Variants in USP9X observed in about 807,000 individuals in gnomAD.
The protein encoded by USP9X is ubiquitin carboxyl-terminal hydrolase 9X.
In USP9X, 7 loss-of-function variants were observed where a neutral mutation model predicts 190.3. That is an observed-to-expected ratio of 0.04 (90% CI 0.02 to 0.07). USP9X has a LOEUF of 0.07. Among genes scored for constraint, USP9X ranks in the 10% least tolerant of loss-of-function variants. USP9X has a pLI of 1.00. For missense variants in USP9X, 1,010 were observed against 1,916.9 expected (o/e 0.53, Z 8.83); for synonymous variants, 645 against 659.5 (o/e 0.98, Z 0.34).
chrX:41,147,414 C>A (rs553586650), intron 11 of USP9X, among the ~76,000 whole-genome samples: 8 of 107,347 alleles, frequency 7.5e-5, no homozygotes, highest in African/African-American at 2.7e-4. Context: ...ATTAATAATT[C>A]CATTGAACTA....
At chrX:41,159,910 T>C (rs2062614037) in intron 14 of USP9X, among the ~76,000 whole-genome samples, 1 of 110,804 alleles carries the variant, frequency 9.0e-6, no homozygotes, top group East Asian at 2.8e-4. Flanking sequence ...CTTCTTGGGG[T>C]GAGGAAAAAT....
intron 1 of USP9X, among the ~76,000 whole-genome samples, chrX:41,113,232 C>T (rs1002037170): frequency 1.8e-5 from 2 of 111,937 alleles, no homozygotes; most frequent in African/African-American, 3.2e-5. Flanking sequence ...GATGGAGTCT[C>T]GCTCTGTCGC....
At chrX:41,143,522 A>G in intron 10 of USP9X, 79 bp downstream of exon 10, 1 of 912,246 alleles carries the variant, frequency 1.1e-6, no homozygotes, top group Non-Finnish European at 1.5e-6. Context: ...AGCTGTCATG[A>G]AATGGATGCA....
At chrX:41,225,660 A>G (rs1410648915) in intron 41 of USP9X, among the ~76,000 whole-genome samples, 5 of 112,460 alleles carry the variant, frequency 4.4e-5, no homozygotes, top group East Asian at 5.5e-4. Flanking sequence ...TTAGGTTTCT[A>G]TAAGCCTCTG....
In USP9X at chrX:41,233,897, A is replaced by C. The variant is rs1181466160; in HGVS notation, c.*1373A>C. ...CTAAAAACCAAATACCCCTGCAAAC[A>C]GATACAGCCCACCCTATTCTATTTA... is the stretch of plus-strand genomic sequence containing the variant. On this transcript the variant is annotated 3_prime_UTR_variant, in exon 45 of 45. Transcript: ENST00000378308. The C allele has an allele frequency of 8.9e-6, 1 of 112,059 alleles. No individual in the cohort carries two copies. The highest frequency in any genetic ancestry group is 1.9e-5 in the Non-Finnish European group (1 of 53,181). 9.2% of individuals were successfully genotyped at this position (112,059 alleles called of 1,213,427 possible).
intron 31 of USP9X, chrX:41,205,100 A>T: frequency 2.9e-6 from 1 of 348,318 alleles, no homozygotes; most frequent in Non-Finnish European, 4.9e-6. Context: ...TCTTTCTTAC[A>T]CATGGTCAGG....
rs767301678 is a variant in USP9X, at chrX:41,184,683, A to G, written c.3558+8A>G. The G allele has an allele frequency of 4.3e-5, 51 of 1,186,137 alleles. No homozygotes were observed. In the South Asian group the frequency reaches 8.6e-4, roughly 20 times the overall value. ...GTGAATCCCATGACACAGGTAATAC[A>G]GACTTTTTAAAAATCCTTTTATAAT... On this transcript the variant is annotated splice_region_variant and intron_variant, in intron 23 of 44. Coordinates refer to ENST00000378308, the MANE Select transcript of USP9X (RefSeq NM_001039591.3).
chrX:41,186,024 G>A (rs2062871650), intron 23 of USP9X, among the ~76,000 whole-genome samples: 2 of 111,551 alleles, frequency 1.8e-5, no homozygotes, highest in South Asian at 7.4e-4. Flanking sequence ...ATCTGTCACT[G>A]ATTTAACAAC....
chrX:41,131,958 T>C (rs905243397), intron 4 of USP9X, among the ~76,000 whole-genome samples: 1 of 111,813 alleles, frequency 8.9e-6, no homozygotes, highest in African/African-American at 3.3e-5. Flanking sequence ...CTCAAAATAT[T>C]ACTATGTAAG....
chrX:41,188,305 G>A (rs1246405281), intron 25 of USP9X, among the ~76,000 whole-genome samples, 188 bp downstream of exon 25: 1 of 111,882 alleles, frequency 8.9e-6, no homozygotes, highest in African/African-American at 3.3e-5. Context: ...CTTAAGAATC[G>A]TGCCATGTGG....
intron 1 of USP9X, among the ~76,000 whole-genome samples, chrX:41,088,764 T>TC (rs1238216100): frequency 9.0e-6 from 1 of 111,667 alleles, no homozygotes; most frequent in African/African-American, 3.3e-5. Flanking sequence ...GAATTGTTTT[T>TC]CTTTTTTTTT....
At chrX:41,178,261 C>T (rs1332513744) in intron 21 of USP9X, among the ~76,000 whole-genome samples, 3 of 106,875 alleles carry the variant, frequency 2.8e-5, no homozygotes, top group Non-Finnish European at 3.9e-5. Flanking sequence ...CCCTCATGCC[C>T]GGCTAATTAT....
chrX:41,197,623 T>G, intron 29 of USP9X, 113 bp downstream of exon 29: 1 of 690,533 alleles, frequency 1.4e-6, no homozygotes. Flanking sequence ...TGATCTTTTC[T>G]CTTTTTTAAG....
rs1254123484 is a variant in USP9X at position 41,233,218 on chromosome X, GT to G, written c.*696del. ...AGTTAGTGTAGCCAATGAGGAAAAA[GT>G]TACCATAATGACAGCAGTTGTCCGA... On this transcript the variant is annotated 3_prime_UTR_variant, in exon 45 of 45. Coordinates refer to ENST00000378308, the MANE Select transcript of USP9X (RefSeq NM_001039591.3). The G allele has an allele frequency of 8.9e-6, 1 of 112,191 alleles. No individual in the cohort carries two copies. Among genetic ancestry groups the G allele is most frequent in the East Asian group, 2.8e-4 (1 of 3,610 alleles). The allele number at this position is 112,191 out of a possible 1,213,427, so 9.2% of individuals were successfully genotyped here.
intron 1 of USP9X, among the ~76,000 whole-genome samples, chrX:41,092,654 A>G (rs899236567): frequency 9.3e-6 from 1 of 108,071 alleles, no homozygotes; most frequent in Non-Finnish European, 1.9e-5. Flanking sequence ...AATTAAATAC[A>G]GTTATGTATA....
At chrX:41,205,633 GTT>G (rs372217330) in intron 32 of USP9X, 140 bp downstream of exon 32, 7,276 of 325,067 alleles carry the variant, frequency 0.022, no homozygotes, top group East Asian at 0.037. Flanking sequence ...AATTGGGTGG[GTT>G]TTTTTTTTTT....
intron 37 of USP9X, 110 bp downstream of exon 37, chrX:41,218,707 A>G (rs1217490905): frequency 1.5e-6 from 1 of 676,820 alleles, no homozygotes; most frequent in Non-Finnish European, 2.3e-6. Context: ...TTTACCTAAC[A>G]GAAACACACA....
chrX:41,168,365 T>A, intron 18 of USP9X, 147 bp downstream of exon 18: 1 of 499,630 alleles, frequency 2.0e-6, no homozygotes, highest in Non-Finnish European at 3.0e-6. Context: ...TAATTTTTTT[T>A]AATAACCTCC....
intron 32 of USP9X, among the ~76,000 whole-genome samples, chrX:41,208,518 C>G (rs902730586): frequency 8.9e-5 from 10 of 111,740 alleles, no homozygotes; most frequent in Non-Finnish European, 1.7e-4. Flanking sequence ...AACTACACTT[C>G]CTCACCCCAC....
Sources: allele counts gnomAD v4.1 joint callset (sites outside exome capture counted in the v4.1 genomes callset), GRCh38; gene constraint gnomAD v4.1.1; transcripts MANE v1.5; gene names NCBI Gene and HGNC (gene_info 2026-07-23, HGNC 2026-07-21).